VWA3B: variants seen among roughly 807,000 people sequenced by gnomAD.
VWA3B encodes von Willebrand factor A domain-containing protein 3B.
In VWA3B, 138 loss-of-function variants were observed where a neutral mutation model predicts 158.3. The observed-to-expected ratio is 0.87, with a 90% CI of 0.76 to 1.00. The LOEUF is 1.00. Among genes scored for constraint, VWA3B ranks in the 50% least tolerant of loss-of-function variants. The pLI is 0.00. For missense variants in VWA3B, 1,555 were observed against 1,565.1 expected (o/e 0.99, Z 0.11); for synonymous variants, 596 against 587.3 (o/e 1.01, Z -0.21).
chr2:98,137,523 G>A (rs1238996802), intron 7 of VWA3B, among the ~76,000 whole-genome samples: 1 of 152,152 alleles, frequency 6.6e-6, no homozygotes, highest in Non-Finnish European at 1.5e-5. Flanking sequence ...GCTCCAACAA[G>A]ACTCTGTGAG....
intron 14 of VWA3B, among the ~76,000 whole-genome samples, chr2:98,224,849 A>C (rs2105657347): frequency 6.6e-6 from 1 of 152,368 alleles, no homozygotes; most frequent in South Asian, 2.1e-4. Flanking sequence ...ATTTTTTGAA[A>C]TACATCATGC....
intron 11 of VWA3B, among the ~76,000 whole-genome samples, chr2:98,194,146 A>T (rs1017898174): frequency 6.6e-6 from 1 of 152,172 alleles, no homozygotes; most frequent in African/African-American, 2.4e-5. Flanking sequence ...TCATATAATC[A>T]TATATACATT....
intron 21 of VWA3B, 117 bp from the exon 22 acceptor site, chr2:98,270,565 G>A: frequency 9.5e-7 from 1 of 1,050,450 alleles, no homozygotes; most frequent in Non-Finnish European, 1.4e-6. Flanking sequence ...AGCTTCAACA[G>A]ATGTTTCTCA....
Position 98,230,090 on chromosome 2 carries a change from A to G in VWA3B, c.2191A>G (p.Lys731Glu), listed in dbSNP as rs1270207680. 1.9e-6 allele frequency: 3 copies of G among 1,606,734 alleles called. No individual in the cohort carries two copies. The highest frequency in any genetic ancestry group is 1.7e-4 in the Middle Eastern group (1 of 6,036). The change falls in exon 16 of 28, where the codon AAG (lysine) becomes GAG (glutamate). Residue 731 changes from lysine (K) to glutamate (E), a missense_variant. By Grantham distance (56) the Lys-to-Glu change is moderately conservative. Transcript: ENST00000477737. ...CTGTTCTATGATTTCAACCCCAGAAAAGTGTGCAAAGCCTCAATCTGATGT... is the reference window on the plus strand; with the variant it reads ...CTGTTCTATGATTTCAACCCCAGAAGAGTGTGCAAAGCCTCAATCTGATGT... The part of the protein sequence containing the change: ...EICSMISTPE[K>E]CAKPQSDVDS...
chr2:98,152,264 G>T (rs1399759498), intron 7 of VWA3B, among the ~76,000 whole-genome samples: 1 of 152,232 alleles, frequency 6.6e-6, no homozygotes, highest in Non-Finnish European at 1.5e-5. Context: ...TCAGTAAGAA[G>T]TGTAAATGGT....
intron 2 of VWA3B, among the ~76,000 whole-genome samples, chr2:98,109,102 C>T (rs1354359378): frequency 1.3e-5 from 2 of 151,388 alleles, no homozygotes; most frequent in African/African-American, 4.9e-5. Flanking sequence ...AAGCAATTCT[C>T]CTGCCTCAGC....
At chr2:98,161,871 T>G (rs1018242555) in intron 7 of VWA3B, among the ~76,000 whole-genome samples, 2 of 152,100 alleles carry the variant, frequency 1.3e-5, no homozygotes, top group African/African-American at 4.8e-5. Context: ...CACGCTCAGC[T>G]AATTTTTGTA....
the VWA3B span, among the ~76,000 whole-genome samples, chr2:98,324,273 C>A: frequency 6.6e-6 from 1 of 152,228 alleles, no homozygotes; most frequent in Non-Finnish European, 1.5e-5. Context: ...AACCATTCTC[C>A]TGCCTCAGCT....
At chr2:98,216,985 C>CCCT (rs373240618) in intron 13 of VWA3B, 11 of 1,245,398 alleles carry the variant, frequency 8.8e-6, no homozygotes, top group East Asian at 5.7e-5. Context: ...TGTAAGCACC[C>CCCT]GCCCCGCACC....
chr2:98,128,695 G>A (rs570043061), intron 6 of VWA3B, among the ~76,000 whole-genome samples: 4 of 152,052 alleles, frequency 2.6e-5, no homozygotes, highest in Non-Finnish European at 4.4e-5. Flanking sequence ...TACTCACTGG[G>A]GCACACTTTC....
rs556249595 is a variant in VWA3B, at chr2:98,250,402, C to T, written c.2758C>T (p.Arg920Ter). 4.9e-5 allele frequency: 79 copies of T among 1,612,240 alleles called. No individual in the cohort carries two copies. Among genetic ancestry groups the T allele is most frequent in the South Asian group, 4.7e-4 (43 of 90,794 alleles). Residue 920 changes from arginine to a stop codon, truncating the protein, a stop_gained, in exon 20 of 28, where the codon CGA becomes TGA. Coordinates refer to ENST00000477737, the MANE Select transcript of VWA3B (RefSeq NM_144992.5). LOFTEE classifies it high-confidence loss of function. ...PQGAKLNIYK[R>*]KVEQAIQSYE... ...AGGAGCCAAACTCAATATCTACAAGCGAAAAGTGGAACAGGCAATTCAATC... is the reference window on the plus strand; with the variant it reads ...AGGAGCCAAACTCAATATCTACAAGTGAAAAGTGGAACAGGCAATTCAATC...
intron 25 of VWA3B, among the ~76,000 whole-genome samples, chr2:98,301,561 T>A (rs527723247): frequency 6.6e-6 from 1 of 152,348 alleles, no homozygotes; most frequent in Non-Finnish European, 1.5e-5. Context: ...GTAGTGATGA[T>A]GTGGCTGCAG....
At chr2:98,232,510 T>A (rs899198111) in intron 16 of VWA3B, among the ~76,000 whole-genome samples, 1 of 152,230 alleles carries the variant, frequency 6.6e-6, no homozygotes, top group Non-Finnish European at 1.5e-5. Flanking sequence ...CTCCTGATTC[T>A]TCTTGGTGTT....
chr2:98,223,850 C>G (rs1684701313), intron 14 of VWA3B, among the ~76,000 whole-genome samples: 1 of 152,184 alleles, frequency 6.6e-6, no homozygotes, highest in African/African-American at 2.4e-5. Context: ...CCTGCCTCAG[C>G]CTTCCAAGTA....
intron 2 of VWA3B, among the ~76,000 whole-genome samples, chr2:98,112,994 T>C (rs1241291522): frequency 1.3e-5 from 2 of 151,916 alleles, no homozygotes; most frequent in African/African-American, 4.8e-5. Context: ...ATTTCTCTGC[T>C]AAGTTCCCCA....
At chr2:98,196,303 C>T (rs1682033471) in intron 12 of VWA3B, among the ~76,000 whole-genome samples, 1 of 152,078 alleles carries the variant, frequency 6.6e-6, no homozygotes, top group Non-Finnish European at 1.5e-5. Flanking sequence ...TGTCAGGTGA[C>T]AGATTTGTTA....
In VWA3B at chr2:98,119,663, T is replaced by G; in HGVS notation, c.442T>G (p.Phe148Val). 1 of 1,614,102 alleles carries G rather than the reference T, an allele frequency of 6.2e-7. No homozygotes were observed. Among genetic ancestry groups the G allele is most frequent in the Non-Finnish European group, 8.5e-7 (1 of 1,180,020 alleles). ...LEQCVTIVLD[F>V]GGILEGELDL... ...ACAGTGCGTCACCATAGTGCTGGAT[T>G]TTGGCGGCATTCTGGAGGGGGAGCT... Residue 148 changes from phenylalanine to valine, a missense_variant, in exon 4 of 28, where the codon TTT becomes GTT. Physicochemically the swap from Phe to Val is conservative, Grantham distance 50 (BLOSUM62 -1). Coordinates refer to ENST00000477737, the MANE Select transcript of VWA3B (RefSeq NM_144992.5).
At chr2:98,134,176 A>G (rs1676083803) in intron 7 of VWA3B, among the ~76,000 whole-genome samples, 1 of 152,222 alleles carries the variant, frequency 6.6e-6, no homozygotes, top group Non-Finnish European at 1.5e-5. Flanking sequence ...TAACTTGAGA[A>G]CCTGCTGGAG....
At chr2:98,269,985 G>C (rs1688099137) in intron 21 of VWA3B, among the ~76,000 whole-genome samples, 1 of 152,160 alleles carries the variant, frequency 6.6e-6, no homozygotes, top group South Asian at 2.1e-4. Context: ...ATCATGAATT[G>C]TTTTCTTTCT....
Sources: gnomAD v4.1 joint callset for allele counts (sites outside exome capture counted in the v4.1 genomes callset) on GRCh38, gnomAD v4.1.1 for gene constraint, MANE v1.5 for transcripts, NCBI Gene and HGNC (gene_info 2026-07-23, HGNC 2026-07-21) for gene names.